The following KIAA1328 variants were observed in gnomAD, a reference collection of about 807,000 sequenced individuals.
KIAA1328 encodes KIAA1328.
Under a neutral mutation model 68.1 loss-of-function variants are expected in KIAA1328, and 52 were observed. The ratio of observed to expected loss-of-function variants is 0.76; its 90% CI spans 0.61 to 0.96. The LOEUF is 0.96. Ranked by LOEUF, KIAA1328 falls within the 40% of genes least tolerant of loss-of-function variation. The probability of loss-of-function intolerance (pLI) is 0.00; values close to 1 mark genes in which losing one functional copy is unlikely to be tolerated. For missense variants in KIAA1328, 641 were observed against 677.6 expected (o/e 0.95, Z 0.60); for synonymous variants, 232 against 239.4 (o/e 0.97, Z 0.28).
intron 6 of KIAA1328, among the ~76,000 whole-genome samples, chr18:37,048,205 A>G (rs999896267): frequency 9.2e-5 from 14 of 152,208 alleles, no homozygotes; most frequent in Admixed American, 7.9e-4. Context: ...GTAAGACTGT[A>G]TTTGTTTGGT....
intron 7 of KIAA1328, among the ~76,000 whole-genome samples, chr18:37,135,100 A>G (rs2058613714): frequency 1.3e-5 from 2 of 152,144 alleles, no homozygotes; most frequent in African/African-American, 4.8e-5. Context: ...CCAGTATACC[A>G]CTGATGGGCA....
intron 5 of KIAA1328, among the ~76,000 whole-genome samples, chr18:36,947,418 G>T (rs1307096754): frequency 6.6e-6 from 1 of 152,186 alleles, no homozygotes; most frequent in African/African-American, 2.4e-5. Flanking sequence ...ATCAATACAT[G>T]TAAAGTGTAC....
chr18:37,054,625 T>G (rs2055838158), intron 6 of KIAA1328, among the ~76,000 whole-genome samples: 1 of 152,054 alleles, frequency 6.6e-6, no homozygotes, highest in South Asian at 2.1e-4. Context: ...TACACATGGA[T>G]ATAACGATGG....
chr18:37,099,400 G>A (rs928734559), intron 7 of KIAA1328, among the ~76,000 whole-genome samples: 7 of 152,258 alleles, frequency 4.6e-5, no homozygotes, highest in South Asian at 4.1e-4. Flanking sequence ...TGAGTTTCTT[G>A]ATCCTGAGTT....
chr18:36,927,763 A>C (rs370927603), intron 5 of KIAA1328, among the ~76,000 whole-genome samples: 162 of 152,068 alleles, frequency 1.1e-3, no homozygotes, highest in Middle Eastern at 6.8e-3. Flanking sequence ...GTCTCAAATA[A>C]AGAAAGAAAA....
At chr18:37,098,669 C>A (rs1161430050) in intron 7 of KIAA1328, among the ~76,000 whole-genome samples, 1 of 152,086 alleles carries the variant, frequency 6.6e-6, no homozygotes, top group Non-Finnish European at 1.5e-5. Context: ...CTCCTTGTAC[C>A]TCTGGTAGAA....
At chr18:36,840,788 A>G (rs1196917324) in intron 3 of KIAA1328, among the ~76,000 whole-genome samples, 1 of 151,968 alleles carries the variant, frequency 6.6e-6, no homozygotes, top group Admixed American at 6.6e-5. Context: ...CTTTGTTGGT[A>G]TTGATGTTGA....
At chr18:36,893,621 A>G (rs1170479583) in intron 5 of KIAA1328, among the ~76,000 whole-genome samples, 10 of 151,986 alleles carry the variant, frequency 6.6e-5, no homozygotes. Context: ...CACACCCAAT[A>G]GAACTTTTCT....
intron 5 of KIAA1328, among the ~76,000 whole-genome samples, chr18:36,908,518 G>T (rs2166295): frequency 0.14 from 20,684 of 151,944 alleles, 1,755 homozygotes; most frequent in Admixed American, 0.18. Context: ...TTAAATTTTT[G>T]TGTGTGTGGA....
intron 5 of KIAA1328, among the ~76,000 whole-genome samples, chr18:36,897,823 C>T (rs1284890878): frequency 6.6e-6 from 1 of 151,916 alleles, no homozygotes; most frequent in African/African-American, 2.4e-5. Flanking sequence ...CTTTGTATAA[C>T]GTTATATAGT....
chr18:37,012,657 T>A (rs543941534), intron 6 of KIAA1328, among the ~76,000 whole-genome samples: 2 of 152,214 alleles, frequency 1.3e-5, no homozygotes, highest in Non-Finnish European at 2.9e-5. Flanking sequence ...TATGGTATCT[T>A]ACACAGTAGA....
At chr18:37,226,406 T>A (rs2060637721), downstream of KIAA1328, among the ~76,000 whole-genome samples, 1 of 152,102 alleles carries the variant, frequency 6.6e-6, no homozygotes, top group Non-Finnish European at 1.5e-5. Context: ...CACAATCAAT[T>A]TTAGAACATT....
At chr18:36,933,795 C>T (rs747875769) in intron 5 of KIAA1328, among the ~76,000 whole-genome samples, 1 of 152,202 alleles carries the variant, frequency 6.6e-6, no homozygotes, top group Non-Finnish European at 1.5e-5. Flanking sequence ...AGCAGCCAGG[C>T]AGGGGCCTTG....
chr18:37,132,099 G>A (rs1321666425), intron 7 of KIAA1328, among the ~76,000 whole-genome samples: 1 of 151,634 alleles, frequency 6.6e-6, no homozygotes, highest in Non-Finnish European at 1.5e-5. Flanking sequence ...AAAAAAAAAA[G>A]GAGAGATTTC....
chr18:37,103,212 A>G (rs1200957246), intron 7 of KIAA1328, among the ~76,000 whole-genome samples: 1 of 152,218 alleles, frequency 6.6e-6, no homozygotes, highest in Non-Finnish European at 1.5e-5. Context: ...TAGCAAAAGC[A>G]ATACCGAGCA....
chr18:37,066,851 G>A (rs1489621569), intron 6 of KIAA1328, 39 bp from the exon 7 acceptor site: 2 of 1,487,724 alleles, frequency 1.3e-6, no homozygotes, highest in Middle Eastern at 1.8e-4. Flanking sequence ...TTGTTTTGTT[G>A]TGTTCTTATT....
chr18:37,169,076 G>A (rs1043901910), intron 8 of KIAA1328, among the ~76,000 whole-genome samples: 1 of 151,740 alleles, frequency 6.6e-6, no homozygotes, highest in Non-Finnish European at 1.5e-5. Context: ...TATATTACAT[G>A]TATATAAACA....
At chr18:36,830,288 A>G (rs1811089976) in intron 1 of KIAA1328, among the ~76,000 whole-genome samples, 1 of 152,238 alleles carries the variant, frequency 6.6e-6, no homozygotes, top group African/African-American at 2.4e-5. Context: ...ACTAGACATA[A>G]TTACCATTTG....
intron 6 of KIAA1328, among the ~76,000 whole-genome samples, chr18:37,019,536 A>G (rs1336372329): frequency 2.0e-5 from 3 of 152,192 alleles, no homozygotes; most frequent in Non-Finnish European, 2.9e-5. Context: ...ACCAGTGCCT[A>G]CGGGGATGGC....
Sources: allele counts gnomAD v4.1 joint callset (sites outside exome capture counted in the v4.1 genomes callset), GRCh38; gene constraint gnomAD v4.1.1; transcripts MANE v1.5; gene names NCBI Gene and HGNC (gene_info 2026-07-23, HGNC 2026-07-21).